The following PLCL2 variants were observed in gnomAD, a reference collection of about 807,000 sequenced individuals.
PLCL2 encodes the protein inactive phospholipase C-like protein 2.
In PLCL2, 4 loss-of-function variants were observed where a neutral mutation model predicts 79.6. That is an observed-to-expected ratio of 0.05 (90% CI 0.02 to 0.11). The LOEUF is 0.11. PLCL2 is among the 10% of genes least tolerant of loss of function. PLCL2 has a pLI of 1.00. For missense variants in PLCL2, 895 were observed against 1,291.0 expected (o/e 0.69, Z 4.70); for synonymous variants, 484 against 457.7 (o/e 1.06, Z -0.73).
chr3:17,055,037 A>G (rs1303129989), intron 4 of PLCL2, among the ~76,000 whole-genome samples: 1 of 152,214 alleles, frequency 6.6e-6, no homozygotes, highest in Non-Finnish European at 1.5e-5. Context: ...GCAATTTGGG[A>G]ATGGCTGGAT....
chr3:17,028,221 C>T (rs1365996706), intron 3 of PLCL2, among the ~76,000 whole-genome samples: 1 of 152,166 alleles, frequency 6.6e-6, no homozygotes, highest in Non-Finnish European at 1.5e-5. Flanking sequence ...TCCTCTCACC[C>T]TTTCCTAAGG....
intron 5 of PLCL2, among the ~76,000 whole-genome samples, chr3:17,077,679 CCTGTTTTCATTGGT>C (rs1202955129): frequency 1.3e-5 from 2 of 152,152 alleles, no homozygotes; most frequent in Non-Finnish European, 2.9e-5. Flanking sequence ...CTAGAAGAGT[CCTGTTTTCATTGGT>C]CTGTTTTGGT....
intron 1 of PLCL2, among the ~76,000 whole-genome samples, chr3:16,988,801 A>G (rs946189804): frequency 6.6e-6 from 1 of 152,146 alleles, no homozygotes; most frequent in East Asian, 1.9e-4. Flanking sequence ...GCTTTTCATA[A>G]CATGGAGGAA....
chr3:16,984,025 T>A (rs900906776), intron 1 of PLCL2, among the ~76,000 whole-genome samples: 1 of 152,218 alleles, frequency 6.6e-6, no homozygotes, highest in Non-Finnish European at 1.5e-5. Flanking sequence ...TAAATTGTTC[T>A]TTACACTCAA....
chr3:17,053,620 T>C (rs754397855), intron 4 of PLCL2, among the ~76,000 whole-genome samples: 5 of 152,236 alleles, frequency 3.3e-5, no homozygotes, highest in Non-Finnish European at 5.9e-5. Flanking sequence ...AAGTTTGATC[T>C]GAACAAGGCA....
At chr3:16,956,184 T>C (rs1251825699) in intron 1 of PLCL2, among the ~76,000 whole-genome samples, 1 of 152,186 alleles carries the variant, frequency 6.6e-6, no homozygotes, top group African/African-American at 2.4e-5. Context: ...ATAGCTCTTA[T>C]TATTTTGAGA....
At chr3:16,971,579 T>A (rs1403558265) in intron 1 of PLCL2, among the ~76,000 whole-genome samples, 1 of 152,218 alleles carries the variant, frequency 6.6e-6, no homozygotes, top group East Asian at 1.9e-4. Flanking sequence ...TTTCTAATTC[T>A]GTGAAGAAAG....
At chr3:17,034,149 G>A (rs557625947) in intron 3 of PLCL2, among the ~76,000 whole-genome samples, 1 of 152,266 alleles carries the variant, frequency 6.6e-6, no homozygotes, top group South Asian at 2.1e-4. Context: ...TTTCCTCCAG[G>A]TACACCAGGT....
intron 1 of PLCL2, among the ~76,000 whole-genome samples, chr3:16,947,451 A>G (rs1190122259): frequency 1.3e-5 from 2 of 152,202 alleles, no homozygotes; most frequent in East Asian, 1.9e-4. Context: ...AATGATTCCT[A>G]CTGCGACTGT....
intron 1 of PLCL2, among the ~76,000 whole-genome samples, chr3:16,950,676 G>A (rs931785591): frequency 7.9e-5 from 12 of 151,560 alleles, no homozygotes; most frequent in African/African-American, 2.4e-4. Context: ...TTGGCTTCTC[G>A]TAGATTCTCT....
intron 3 of PLCL2, among the ~76,000 whole-genome samples, chr3:17,036,074 T>A (rs1297159597): frequency 6.6e-6 from 1 of 152,114 alleles, no homozygotes; most frequent in East Asian, 1.9e-4. Context: ...ATTTAGAAAG[T>A]GTTTTCATAG....
In PLCL2 at chr3:16,908,453, G is replaced by A. The variant is rs143533913; in HGVS notation, c.327+23087G>A. Among the ~76,000 whole-genome samples the A allele has an allele frequency of 1.1e-3, 169 of 152,268 alleles. 1 individual carries two copies. Among genetic ancestry groups the A allele is most frequent in the Admixed American group, 5.2e-3 (80 of 15,292 alleles). On this transcript the variant is annotated intron_variant, in intron 1 of 5. Coordinates refer to ENST00000615277, the MANE Select transcript of PLCL2 (RefSeq NM_001144382.2). ...GATCCCATACGTTTCAATGGTTGAC[G>A]TGTCTCTTTTTTCTTTTAATGTACC...
intron 1 of PLCL2, among the ~76,000 whole-genome samples, chr3:16,891,314 T>C (rs1559477176): frequency 6.6e-6 from 1 of 152,192 alleles, no homozygotes; most frequent in African/African-American, 2.4e-5. Flanking sequence ...GTTGTAAAGA[T>C]TAAAGGAGAT....
chr3:17,047,605 A>G (rs2064794379), intron 4 of PLCL2, among the ~76,000 whole-genome samples: 1 of 152,224 alleles, frequency 6.6e-6, no homozygotes, highest in Admixed American at 6.5e-5. Flanking sequence ...CCTTCATTTT[A>G]ATCAATTTAA....
intron 1 of PLCL2, among the ~76,000 whole-genome samples, chr3:16,975,775 C>T (rs1250248861): frequency 6.6e-6 from 1 of 152,174 alleles, no homozygotes; most frequent in Non-Finnish European, 1.5e-5. Context: ...GGACTGAAAT[C>T]CTCTGAGTGC....
chr3:16,890,847 C>G (rs531305108), intron 1 of PLCL2, among the ~76,000 whole-genome samples: 68 of 152,334 alleles, frequency 4.5e-4, no homozygotes, highest in Non-Finnish European at 9.0e-4. Flanking sequence ...AGCCACTATT[C>G]TTTGTATCAG....
chr3:16,998,584 T>C (rs2064177171), intron 1 of PLCL2, among the ~76,000 whole-genome samples: 1 of 152,246 alleles, frequency 6.6e-6, no homozygotes, highest in African/African-American at 2.4e-5. Context: ...TAGTGTAATT[T>C]ATAGGAGCTC....
intron 4 of PLCL2, among the ~76,000 whole-genome samples, chr3:17,066,801 A>G (rs943580100): frequency 2.0e-5 from 3 of 152,346 alleles, no homozygotes; most frequent in Admixed American, 1.3e-4. Flanking sequence ...GACACTGTAC[A>G]TAGTATGCTA....
At chr3:16,909,468 G>A (rs1227788598) in intron 1 of PLCL2, among the ~76,000 whole-genome samples, 1 of 152,100 alleles carries the variant, frequency 6.6e-6, no homozygotes, top group Non-Finnish European at 1.5e-5. Flanking sequence ...GCACCCAATG[G>A]TTTTAGATAT....
Sources: allele counts gnomAD v4.1 joint callset (sites outside exome capture counted in the v4.1 genomes callset), GRCh38; gene constraint gnomAD v4.1.1; transcripts MANE v1.5; gene names NCBI Gene and HGNC (gene_info 2026-07-23, HGNC 2026-07-21).